Variants in NCL observed in about 807,000 individuals in gnomAD.
NCL encodes nucleolin multifunctional protein.
Under a neutral mutation model 77.7 loss-of-function variants are expected in NCL, and 4 were observed. The observed-to-expected ratio is 0.05, with a 90% CI of 0.03 to 0.12. The LOEUF (loss-of-function observed/expected upper bound fraction) is 0.12. NCL is among the 10% of genes least tolerant of loss of function. NCL has a pLI of 1.00. For synonymous variants in NCL, 344 were observed against 297.8 expected, an observed-to-expected ratio of 1.16 and a Z score of -1.60; for missense variants, 763 against 860.9, an observed-to-expected ratio of 0.89 and a Z score of 1.42.
At position 231,457,732 on chromosome 2, in the gene NCL, T is replaced by A. The variant is rs773273695; in HGVS notation, c.1358A>T (p.Glu453Val). Residue 453 changes from glutamate (E) to valine (V), a missense_variant, in exon 9 of 14, where the codon GAG becomes GTG. Glu to Val is a moderately radical substitution (Grantham distance 121). This residue lies in a region of NCL where 590 missense variants were observed against 570.5 expected (regional missense o/e 1.03). Coordinates refer to ENST00000322723, the MANE Select transcript of NCL (RefSeq NM_005381.3). Reference protein sequence around the residue: ...EKTFEEKQGTEIDGRSISLYY... With the variant: ...EKTFEEKQGTVIDGRSISLYY... ...CAGGGAAATAGATCGCCCATCGATCTCTGTTCCCTGCTTTTCTTCAAAGGT... is the reference window on the plus strand; with the variant it reads ...CAGGGAAATAGATCGCCCATCGATCACTGTTCCCTGCTTTTCTTCAAAGGT... 4.2e-5 allele frequency: 67 copies of A among 1,613,012 alleles called. No homozygotes were observed.
In NCL at chr2:231,464,404, A is replaced by G; in HGVS notation, c.-51T>C. On this transcript the variant is annotated 5_prime_UTR_variant, in exon 1 of 14. Transcript: ENST00000322723. ...AAGTGGCGCAGATGAGTCCAGAAGA[A>G]GCCAAGCGACGGCGATGGCGGCCGC... 1 of 1,587,264 alleles carries G rather than the reference A, an allele frequency of 6.3e-7. No homozygotes were observed. Among genetic ancestry groups the G allele is most frequent in the Non-Finnish European group, 8.6e-7 (1 of 1,165,492 alleles).
At chr2:231,456,308 T>G in intron 11 of NCL, 172 bp from the exon 12 acceptor site, 1 of 938,308 alleles carries the variant, frequency 1.1e-6, no homozygotes, top group Non-Finnish European at 1.6e-6. Flanking sequence ...TGGGTTTACA[T>G]TTTTTAATTG....
At chr2:231,461,099 T>C (rs1468772462) in intron 3 of NCL, among the ~76,000 whole-genome samples, 1 of 151,932 alleles carries the variant, frequency 6.6e-6, no homozygotes, top group African/African-American at 2.4e-5. Flanking sequence ...GCCAACATGG[T>C]GAAATGTCGT....
chr2:231,463,642 C>A, intron 1 of NCL: 1 of 285,062 alleles, frequency 3.5e-6, no homozygotes, highest in Non-Finnish European at 6.6e-6. Flanking sequence ...TATTCTACCA[C>A]CCTCATCTGA....
Position 231,459,073 on chromosome 2 carries a change from C to T in NCL, c.1093G>A (p.Glu365Lys), listed in dbSNP as rs779484970. The T allele has an allele frequency of 1.9e-6, 3 of 1,604,898 alleles. No individual in the cohort carries two copies. Among genetic ancestry groups the T allele is most frequent in the Non-Finnish European group, 2.5e-6 (3 of 1,177,054 alleles). ...ESAEDLEKAL[E>K]LTGLKVFGNE... is the part of the protein sequence containing the mutation. ...CCAAAGACTTTCAAACCAGTGAGTT[C>T]CAACGCTTTCTCCAGGTCTTCAGCA... The change falls in exon 7 of 14, where the codon GAA becomes AAA. Residue 365 changes from glutamate to lysine, a missense_variant. Physicochemically the swap from Glu to Lys is moderately conservative, Grantham distance 56. This residue lies in a region of NCL where 590 missense variants were observed against 570.5 expected (regional missense o/e 1.03). Coordinates refer to ENST00000322723, the MANE Select transcript of NCL (RefSeq NM_005381.3).
chr2:231,455,805 T>A (rs1175801243), intron 12 of NCL, 181 bp from the exon 13 acceptor site: 1 of 1,140,412 alleles, frequency 8.8e-7, no homozygotes, highest in Admixed American at 1.7e-5. Context: ...CCCCAGAATG[T>A]CTCACAATAC....
chr2:231,462,197 T>A, intron 2 of NCL, 180 bp from the exon 3 acceptor site: 1 of 814,984 alleles, frequency 1.2e-6, no homozygotes, highest in Non-Finnish European at 2.0e-6. Flanking sequence ...GCCCCTATCA[T>A]AAGGTGAATA....
At chr2:231,462,573 G>C (rs775319659) in intron 2 of NCL, 3 of 515,498 alleles carry the variant, frequency 5.8e-6, no homozygotes, top group South Asian at 2.8e-5. Flanking sequence ...TCATCATTTA[G>C]CTACATTAAA....
At chr2:231,460,393 A>G (rs754489366) in intron 5 of NCL, 85 bp downstream of exon 5, 2 of 1,591,786 alleles carry the variant, frequency 1.3e-6, no homozygotes, top group Non-Finnish European at 1.7e-6. Context: ...ACTACAATGT[A>G]ACATCAGGTT....
intron 6 of NCL, among the ~76,000 whole-genome samples, chr2:231,459,669 G>A (rs1336277267): frequency 2.0e-5 from 3 of 151,952 alleles, no homozygotes; most frequent in African/African-American, 7.3e-5. Context: ...CACTTCGAGA[G>A]GCCGAGGTGG....
intron 9 of NCL, chr2:231,457,436 T>C: frequency 1.3e-6 from 1 of 755,512 alleles, no homozygotes; most frequent in Admixed American, 2.2e-5. Context: ...GCCTACTGTA[T>C]TCCAATGCAA....
chr2:231,459,275 A>T, intron 6 of NCL, 150 bp from the exon 7 acceptor site: 1 of 821,186 alleles, frequency 1.2e-6, no homozygotes, highest in Non-Finnish European at 1.7e-6. Flanking sequence ...AAGGCTCTGC[A>T]AACTGCAGCT....
chr2:231,458,559 G>C (rs1490980042), intron 7 of NCL, 170 bp from the exon 8 acceptor site: 19 of 832,678 alleles, frequency 2.3e-5, no homozygotes, highest in Middle Eastern at 3.2e-4. Context: ...CAACACACAA[G>C]TGGTCCCTCC....
rs554493505 is a variant in NCL, at chr2:231,457,585, G to C, written c.1447+58C>G. The C allele has an allele frequency of 4.4e-4, 643 of 1,448,912 alleles. 11 individuals carry two copies. In the South Asian group the frequency reaches 7.9e-3, roughly 18 times the overall value. 89.8% of individuals were successfully genotyped at this position (1,448,912 alleles called of 1,614,324 possible). A position where few individuals can be genotyped will look rare whatever the true frequency, so the allele number is the denominator to read the frequency against. On this transcript the variant is annotated intron_variant, in intron 9 of 13. Coordinates refer to ENST00000322723, the MANE Select transcript of NCL (RefSeq NM_005381.3). The stretch of plus-strand genomic sequence containing the variant: ...TATTTATAAACTTATGAAATACAAA[G>C]ACACAAAGGAGTTCCCTCCACCAAT...
chr2:231,463,533 A>C (rs2046971726), intron 1 of NCL: 1 of 534,602 alleles, frequency 1.9e-6, no homozygotes, highest in African/African-American at 2.0e-5. Context: ...CCAACAGAAA[A>C]CCTGCCCTAA....
Position 231,455,457 on chromosome 2 carries a change from C to T in NCL, c.2000G>A (p.Gly667Asp), listed in dbSNP as rs773857758. 6.2e-7 allele frequency: 1 copy of T among 1,614,052 alleles called. No individual in the cohort carries two copies. Among genetic ancestry groups the T allele is most frequent in the East Asian group, 2.2e-5 (1 of 44,900 alleles). ...GGGRGGFGGR[G>D]GGRGGRGGFG... ...TCCTCCTCGGCCTCCTCTACCACCA[C>T]CTCGTCCTCCAAAGCCGCCTCTGCC... is the stretch of plus-strand genomic sequence containing the variant. The change falls in exon 13 of 14, where the codon GGT becomes GAT. Residue 667 changes from glycine (G) to aspartate (D), a missense_variant. By Grantham distance (94) the Gly-to-Asp change is moderately conservative (BLOSUM62 -1). Transcript: ENST00000322723.
chr2:231,463,517 G>A (rs936212943), intron 1 of NCL: 14 of 560,154 alleles, frequency 2.5e-5, no homozygotes, highest in African/African-American at 2.0e-4. Flanking sequence ...TTCCTCCCAG[G>A]CTTTACCAAC....
In NCL at chr2:231,461,830, C is replaced by A; in HGVS notation, c.323G>T (p.Gly108Val). ...VTPAKAVTTP[G>V]KKGATPGKAL... ...TTTGCCTGGTGTGGCTCCCTTCTTGCCAGGTGTGGTAACTGCTTTGGCTGG... is the reference window on the plus strand; with the variant it reads ...TTTGCCTGGTGTGGCTCCCTTCTTGACAGGTGTGGTAACTGCTTTGGCTGG... Residue 108 changes from glycine to valine, a missense_variant, in exon 3 of 14, where the codon GGC becomes GTC. Gly to Val is a moderately radical substitution (Grantham distance 109). Coordinates refer to ENST00000322723, the MANE Select transcript of NCL (RefSeq NM_005381.3). The A allele has an allele frequency of 6.2e-7, 1 of 1,613,570 alleles. No individual in the cohort carries two copies. The highest frequency in any genetic ancestry group is 2.2e-5 in the East Asian group (1 of 44,888).
At chr2:231,456,562 T>C in intron 11 of NCL, 69 bp downstream of exon 11, 1 of 1,603,572 alleles carries the variant, frequency 6.2e-7, no homozygotes. Context: ...ACACAGAATT[T>C]GTGCAAAAAA....
Sources: gnomAD v4.1 joint callset for allele counts (sites outside exome capture counted in the v4.1 genomes callset) on GRCh38, gnomAD v4.1.1 for gene constraint, gnomAD v4.1.1 regional missense constraint, MANE v1.5 for transcripts, NCBI Gene and HGNC (gene_info 2026-07-23, HGNC 2026-07-21) for gene names.